TAS1R3: variants seen among roughly 807,000 people sequenced by gnomAD.
TAS1R3 encodes the protein taste 1 receptor member 3, also known as taste receptor type 1 member 3.
TAS1R3 carries 58 observed loss-of-function variants against 46.1 expected under a neutral mutation model. The observed-to-expected ratio is 1.26, with a 90% CI of 1.02 to 1.57. The LOEUF (loss-of-function observed/expected upper bound fraction) is 1.57. TAS1R3 is among the 40% of genes most tolerant of loss of function. The pLI is 0.00. For synonymous variants in TAS1R3, 724 were observed against 544.7 expected, an observed-to-expected ratio of 1.33 and a Z score of -4.58; for missense variants, 1,422 against 1,185.8, an observed-to-expected ratio of 1.20 and a Z score of -2.93.
chr1:1,333,306 C>T lies in TAS1R3; in HGVS notation c.1527C>T (p.Arg509=). 1 of 1,600,098 alleles carries T rather than the reference C, an allele frequency of 6.2e-7. No homozygotes were observed. The highest frequency in any genetic ancestry group is 8.5e-7 in the Non-Finnish European group (1 of 1,174,250). The part of the protein sequence containing the change: ...CSRQCQEGQV[R]RVKGFHSCCY... ...GGCAGTGCCAGGAGGGCCAGGTGCG[C>T]CGGGTCAAGGGGTTCCACTCCTGCT... The change falls in exon 5 of 6, where the codon CGC becomes CGT. Residue 509 remains arginine (R), a synonymous_variant. Transcript: ENST00000339381.
Position 1,333,808 on chromosome 1 carries a change from G to T in TAS1R3, c.1903G>T (p.Ala635Ser). ...CCAGCCCAGCCCTGCCCGATGCCTG[G>T]CCCAGCAGCCCTTGTCCCACCTCCC... ...PGQPSPARCL[A>S]QQPLSHLPLT... The change falls in exon 6 of 6, where the codon GCC becomes TCC. Residue 635 changes from alanine to serine, a missense_variant. Coordinates refer to ENST00000339381, the MANE Select transcript of TAS1R3 (RefSeq NM_152228.3). 6.3e-7 allele frequency: 1 copy of T among 1,596,756 alleles called. No homozygotes were observed.
In TAS1R3 at chr1:1,331,305, GGGGCAGCCACCT is replaced by G. The variant is rs1557654975; in HGVS notation, c.-39_-28del. On this transcript the variant is annotated 5_prime_UTR_variant, in exon 1 of 6. Coordinates refer to ENST00000339381, the MANE Select transcript of TAS1R3 (RefSeq NM_152228.3). ...GCTCACTCCATGTGAGGCCCCAGTC[GGGGCAGCCACCT>G]GCCGTGCCTGTTGGAAGTTGCCTCT... 6.6e-7 allele frequency: 1 copy of G among 1,524,544 alleles called. No homozygotes were observed. The highest frequency in any genetic ancestry group is 1.4e-5 in the African/African-American group (1 of 71,604). 94.4% of individuals were successfully genotyped at this position (1,524,544 alleles called of 1,614,324 possible). A position where few individuals can be genotyped will look rare whatever the true frequency, so the allele number is the denominator to read the frequency against.
rs771562655 is a variant in TAS1R3 at position 1,333,685 on chromosome 1, C to G, written c.1780C>G (p.Arg594Gly). ...TGCTTTGGGGCTGTTCGTTCACCATCGGGACAGCCCACTGGTTCAGGCCTC... is the reference window on the plus strand; with the variant it reads ...TGCTTTGGGGCTGTTCGTTCACCATGGGGACAGCCCACTGGTTCAGGCCTC... ...LAALGLFVHH[R>G]DSPLVQASGG... The change falls in exon 6 of 6, where the codon CGG becomes GGG. Residue 594 changes from arginine (R) to glycine (G), a missense_variant. Arg to Gly is a moderately radical substitution (Grantham distance 125). Coordinates refer to ENST00000339381, the MANE Select transcript of TAS1R3 (RefSeq NM_152228.3). 6.2e-7 allele frequency: 1 copy of G among 1,611,606 alleles called. No homozygotes were observed. Among genetic ancestry groups the G allele is most frequent in the African/African-American group, 1.3e-5 (1 of 74,944 alleles).
At position 1,332,431 on chromosome 1, in the gene TAS1R3, C is replaced by T. The variant is rs141493350; in HGVS notation, c.900C>T (p.Ser300=). Residue 300 remains serine, a synonymous_variant, in exon 3 of 6, where the codon AGC becomes AGT. Coordinates refer to ENST00000339381, the MANE Select transcript of TAS1R3 (RefSeq NM_152228.3). ...TCTCGCCCAAGGTGTGGGTGGCCAG[C>T]GAGGCCTGGCTGACCTCTGACCTGG... ...SRLSPKVWVA[S]EAWLTSDLVM... is the part of the protein sequence containing the mutation. 65 of 1,606,940 alleles carry T rather than the reference C, an allele frequency of 4.0e-5. 2 individuals are homozygous for T. The African/African-American group carries it at 6.0e-4, about 15-fold the overall frequency.
chr1:1,332,373 A>G lies in TAS1R3; in HGVS notation c.842A>G (p.His281Arg). The G allele has an allele frequency of 6.3e-7, 1 of 1,595,756 alleles. No individual in the cohort carries two copies. Among genetic ancestry groups the G allele is most frequent in the East Asian group, 2.3e-5 (1 of 44,008 alleles). ...VLLFASVHAA[H>R]ALFNYSISSR... ...CTGTTCGCCTCCGTGCACGCCGCCC[A>G]CGCCCTCTTCAACTACAGCATCAGC... Residue 281 changes from histidine (H) to arginine (R), a missense_variant, in exon 3 of 6, where the codon CAC becomes CGC. His to Arg is a conservative substitution (Grantham distance 29, BLOSUM62 0). Transcript: ENST00000339381.
Position 1,333,518 on chromosome 1 carries a change from G to A in TAS1R3, c.1613G>A (p.Cys538Tyr). ...TCCTCTCTCACAGACGACATCGCCT[G>A]CACCTTTTGTGGCCAGGATGAGTGG... is the stretch of plus-strand genomic sequence containing the variant. Reference protein sequence around the residue: ...SYRQNPDDIACTFCGQDEWSP... With the variant: ...SYRQNPDDIAYTFCGQDEWSP... The change falls in exon 6 of 6, where the codon TGC becomes TAC. Residue 538 changes from cysteine to tyrosine, a missense_variant. Cys to Tyr is a radical substitution (Grantham distance 194). Coordinates refer to ENST00000339381, the MANE Select transcript of TAS1R3 (RefSeq NM_152228.3). 6.2e-7 allele frequency: 1 copy of A among 1,602,322 alleles called. No individual in the cohort carries two copies.
At position 1,332,667 on chromosome 1, in the gene TAS1R3, A is replaced by G. The variant is rs1268629058; in HGVS notation, c.1136A>G (p.Gln379Arg). ...RCPQCDCITL[Q>R]NVSAGLNHHQ... is the part of the protein sequence containing the mutation. Reference sequence around the variant, plus strand: ...CCGCAGTGTGACTGCATCACGCTGCAGAACGTGAGCGCAGGGCTAAATCAC... The same window carrying G: ...CCGCAGTGTGACTGCATCACGCTGCGGAACGTGAGCGCAGGGCTAAATCAC... Residue 379 changes from glutamine to arginine, a missense_variant, in exon 3 of 6, where the codon CAG becomes CGG. Transcript: ENST00000339381. 6.8e-6 allele frequency: 11 copies of G among 1,606,412 alleles called. No individual in the cohort carries two copies. The highest frequency in any genetic ancestry group is 9.3e-6 in the Non-Finnish European group (11 of 1,179,600).
In TAS1R3 at chr1:1,333,716, G is replaced by A. The variant is rs760652074; in HGVS notation, c.1811G>A (p.Gly604Glu). 2.5e-6 allele frequency: 4 copies of A among 1,608,756 alleles called. No individual in the cohort carries two copies. Among genetic ancestry groups the A allele is most frequent in the Middle Eastern group, 3.3e-4 (2 of 6,050 alleles). The change falls in exon 6 of 6, where the codon GGG becomes GAG. Residue 604 changes from glycine (G) to glutamate (E), a missense_variant. Coordinates refer to ENST00000339381, the MANE Select transcript of TAS1R3 (RefSeq NM_152228.3). ...AGCCCACTGGTTCAGGCCTCGGGGG[G>A]GCCCCTGGCCTGCTTTGGCCTGGTG... ...RDSPLVQASG[G>E]PLACFGLVCL...
In TAS1R3 at chr1:1,332,136, A is replaced by G; in HGVS notation, c.605A>G (p.Gln202Arg). The G allele has an allele frequency of 6.3e-7, 1 of 1,599,130 alleles. No homozygotes were observed. The highest frequency in any genetic ancestry group is 8.5e-7 in the Non-Finnish European group (1 of 1,179,614). ...CTGACGGCCGCCGCGGAGCTGCTGCAGGAGTTCGGCTGGAACTGGGTGGCC... is the reference window on the plus strand; with the variant it reads ...CTGACGGCCGCCGCGGAGCTGCTGCGGGAGTTCGGCTGGAACTGGGTGGCC... Reference protein sequence around the residue: ...VQLTAAAELLQEFGWNWVAAL... With the variant: ...VQLTAAAELLREFGWNWVAAL... The change falls in exon 3 of 6, where the codon CAG becomes CGG. Residue 202 changes from glutamine (Q) to arginine (R), a missense_variant. Gln to Arg is a conservative substitution (Grantham distance 43). Transcript: ENST00000339381.
rs1643517714 is a variant in TAS1R3, at chr1:1,334,742, G to A, written c.*278G>A. ...CACTGTTCTGGAAAGAGGCCCGGAG[G>A]GCTCCCAGGGTACCCGCAACCCACA... On this transcript the variant is annotated 3_prime_UTR_variant, in exon 6 of 6. Coordinates refer to ENST00000339381, the MANE Select transcript of TAS1R3 (RefSeq NM_152228.3). The A allele has an allele frequency of 7.8e-6, 3 of 386,372 alleles. No homozygotes were observed. The highest frequency in any genetic ancestry group is 4.2e-5 in the East Asian group (1 of 23,864). 23.9% of individuals were successfully genotyped at this position (386,372 alleles called of 1,614,324 possible). A position where few individuals can be genotyped will look rare whatever the true frequency, so the allele number is the denominator to read the frequency against.
At position 1,333,318 on chromosome 1, in the gene TAS1R3, G is replaced by T; in HGVS notation, c.1539G>T (p.Gly513=). 1.2e-6 allele frequency: 2 copies of T among 1,604,144 alleles called. No homozygotes were observed. The highest frequency in any genetic ancestry group is 1.1e-5 in the South Asian group (1 of 89,898). The stretch of plus-strand genomic sequence containing the variant: ...AGGGCCAGGTGCGCCGGGTCAAGGG[G>T]TTCCACTCCTGCTGCTACGACTGTG... The part of the protein sequence containing the change: ...CQEGQVRRVK[G]FHSCCYDCVD... The change falls in exon 5 of 6, where the codon GGG becomes GGT. Residue 513 remains glycine (G), a synonymous_variant. Transcript: ENST00000339381.
Position 1,332,674 on chromosome 1 carries a change from G to A in TAS1R3, c.1143G>A (p.Val381=). Residue 381 remains valine, a synonymous_variant, in exon 3 of 6, where the codon GTG becomes GTA. Transcript: ENST00000339381. The part of the protein sequence containing the change: ...PQCDCITLQN[V]SAGLNHHQTF... Reference sequence around the variant, plus strand: ...GTGACTGCATCACGCTGCAGAACGTGAGCGCAGGGCTAAATCACCACCAGA... The same window carrying A: ...GTGACTGCATCACGCTGCAGAACGTAAGCGCAGGGCTAAATCACCACCAGA... 5 of 1,605,732 alleles carry A rather than the reference G, an allele frequency of 3.1e-6. No individual in the cohort carries two copies. Among genetic ancestry groups the A allele is most frequent in the Admixed American group, 1.7e-5 (1 of 59,876 alleles).
Position 1,333,556 on chromosome 1 carries a change from A to T in TAS1R3, c.1651A>T (p.Ser551Cys). Residue 551 changes from serine (S) to cysteine (C), a missense_variant, in exon 6 of 6, where the codon AGC (serine) becomes TGC (cysteine). Coordinates refer to ENST00000339381, the MANE Select transcript of TAS1R3 (RefSeq NM_152228.3). Reference sequence around the variant, plus strand: ...CCAGGATGAGTGGTCCCCGGAGCGAAGCACACGCTGCTTCCGCCGCAGGTC... The same window carrying T: ...CCAGGATGAGTGGTCCCCGGAGCGATGCACACGCTGCTTCCGCCGCAGGTC... ...CGQDEWSPER[S>C]TRCFRRRSRF... 1 of 1,604,560 alleles carries T rather than the reference A, an allele frequency of 6.2e-7. No individual in the cohort carries two copies. The highest frequency in any genetic ancestry group is 8.5e-7 in the Non-Finnish European group (1 of 1,179,848).
chr1:1,333,437 G>T, intron 5 of TAS1R3, 58 bp downstream of exon 5: 1 of 1,607,434 alleles, frequency 6.2e-7, no homozygotes, highest in Non-Finnish European at 8.5e-7. Context: ...GTCCTGCCAA[G>T]TCCTGACTCT....
At position 1,332,683 on chromosome 1, in the gene TAS1R3, G is replaced by A. The variant is rs774820775; in HGVS notation, c.1152G>A (p.Gly384=). The change falls in exon 3 of 6, where the codon GGG becomes GGA. Residue 384 remains glycine, a synonymous_variant. Coordinates refer to ENST00000339381, the MANE Select transcript of TAS1R3 (RefSeq NM_152228.3). ...TCACGCTGCAGAACGTGAGCGCAGG[G>A]CTAAATCACCACCAGACGTTCTCTG... ...DCITLQNVSA[G]LNHHQTFSVY... The A allele has an allele frequency of 3.5e-5, 56 of 1,604,814 alleles. No individual in the cohort carries two copies. The highest frequency in any genetic ancestry group is 1.8e-4 in the Admixed American group (11 of 59,854).
chr1:1,332,427 C>T lies in TAS1R3; in HGVS notation c.896C>T (p.Ala299Val). Residue 299 changes from alanine to valine, a missense_variant, in exon 3 of 6, where the codon GCC becomes GTC. By Grantham distance (64) the Ala-to-Val change is moderately conservative. Transcript: ENST00000339381. ...AGGCTCTCGCCCAAGGTGTGGGTGG[C>T]CAGCGAGGCCTGGCTGACCTCTGAC... ...SSRLSPKVWV[A>V]SEAWLTSDLV... The T allele has an allele frequency of 1.2e-6, 2 of 1,606,598 alleles. No homozygotes were observed.
Position 1,334,589 on chromosome 1 carries a change from G to C in TAS1R3, c.*125G>C. The C allele has an allele frequency of 9.0e-7, 1 of 1,112,288 alleles. No individual in the cohort carries two copies. The highest frequency in any genetic ancestry group is 1.2e-6 in the Non-Finnish European group (1 of 805,068). The allele number at this position is 1,112,288 out of a possible 1,614,324, so 68.9% of individuals were successfully genotyped here. A position where few individuals can be genotyped will look rare whatever the true frequency, so the allele number is the denominator to read the frequency against. On this transcript the variant is annotated 3_prime_UTR_variant, in exon 6 of 6. Transcript: ENST00000339381. ...AGGTTCTGACCCCAGGTTGTCTCCT[G>C]ACCCTGACCCCACAGTGAGCCCTAG...
In TAS1R3 at chr1:1,331,733, G is replaced by C. The variant is rs1173167250; in HGVS notation, c.287G>C (p.Gly96Ala). 6.2e-7 allele frequency: 1 copy of C among 1,612,948 alleles called. No homozygotes were observed. Among genetic ancestry groups the C allele is most frequent in the Admixed American group, 1.7e-5 (1 of 60,030 alleles). Reference sequence around the variant, plus strand: ...GATCTGCTGCCCGGGCTGCGCCTGGGCTACGACCTCTTTGATACGTGCTCG... The same window carrying C: ...GATCTGCTGCCCGGGCTGCGCCTGGCCTACGACCTCTTTGATACGTGCTCG... ...KSDLLPGLRL[G>A]YDLFDTCSEP... The change falls in exon 2 of 6, where the codon GGC (glycine) becomes GCC (alanine). Residue 96 changes from glycine (G) to alanine (A), a missense_variant. Coordinates refer to ENST00000339381, the MANE Select transcript of TAS1R3 (RefSeq NM_152228.3).
At position 1,332,753 on chromosome 1, in the gene TAS1R3, C is replaced by T; in HGVS notation, c.1222C>T (p.Leu408Phe). The T allele has an allele frequency of 6.2e-7, 1 of 1,605,742 alleles. No homozygotes were observed. Among genetic ancestry groups the T allele is most frequent in the Non-Finnish European group, 8.5e-7 (1 of 1,179,828 alleles). ...YSVAQALHNT[L>F]QCNASGCPAQ... ...CGTGGCCCAGGCCCTGCACAACACT[C>T]TTCAGTGCAACGCCTCAGGCTGCCC... Residue 408 changes from leucine to phenylalanine, a missense_variant, in exon 3 of 6, where the codon CTT (leucine) becomes TTT (phenylalanine). Coordinates refer to ENST00000339381, the MANE Select transcript of TAS1R3 (RefSeq NM_152228.3).
Sources: gnomAD v4.1 joint callset for allele counts on GRCh38, gnomAD v4.1.1 for gene constraint, MANE v1.5 for transcripts, NCBI Gene and HGNC (gene_info 2026-07-23, HGNC 2026-07-21) for gene names.